The following ABHD17C variants were observed in gnomAD, a reference collection of about 807,000 sequenced individuals.
ABHD17C encodes alpha/beta hydrolase domain-containing protein 17C.
Under a neutral mutation model 27.9 loss-of-function variants are expected in ABHD17C, and 11 were observed. That is an observed-to-expected ratio of 0.39 (90% confidence interval 0.25 to 0.65). ABHD17C has a LOEUF of 0.65. Ranked by LOEUF, ABHD17C falls within the 30% of genes least tolerant of loss-of-function variation. The pLI, the probability that ABHD17C is intolerant of heterozygous loss-of-function variation, is 0.45. For synonymous variants in ABHD17C, 233 were observed against 209.1 expected (o/e 1.11, Z -0.98); for missense variants, 280 against 470.2 (o/e 0.60, Z 3.74).
chr15:80,745,701 C>T (rs1343693291), intron 1 of ABHD17C, among the ~76,000 whole-genome samples: 2 of 152,062 alleles, frequency 1.3e-5, no homozygotes, highest in Non-Finnish European at 2.9e-5. Flanking sequence ...CTGGTGGTGA[C>T]GGGTGCACCA....
At chr15:80,751,996 A>G (rs1413758015) in intron 2 of ABHD17C, among the ~76,000 whole-genome samples, 1 of 152,224 alleles carries the variant, frequency 6.6e-6, no homozygotes, top group East Asian at 1.9e-4. Flanking sequence ...ATTAAAACAA[A>G]TTTAAACAAA....
intron 1 of ABHD17C, among the ~76,000 whole-genome samples, chr15:80,711,829 A>G (rs1005895906): frequency 3.9e-5 from 6 of 152,240 alleles, no homozygotes; most frequent in African/African-American, 9.6e-5. Context: ...AAAGCTAACT[A>G]ACTAACACAC....
In ABHD17C at chr15:80,755,533, A is replaced by G. The variant is rs1895421283; in HGVS notation, c.*1163A>G. ...ACTGTAAGCCTCAGATCGTTGTACA[A>G]CTGGACTGCGGTTGATTGCCAGTTT... On this transcript the variant is annotated 3_prime_UTR_variant, in exon 3 of 3. Coordinates refer to ENST00000258884, the MANE Select transcript of ABHD17C (RefSeq NM_021214.2). 1 of 152,130 alleles carries G rather than the reference A, an allele frequency of 6.6e-6. No individual in the cohort carries two copies. Among genetic ancestry groups the G allele is most frequent in the South Asian group, 2.1e-4 (1 of 4,822 alleles). The allele number at this position is 152,130 out of a possible 1,614,324, so 9.4% of individuals were successfully genotyped here. A position where few individuals can be genotyped will look rare whatever the true frequency, so the allele number is the denominator to read the frequency against.
Position 80,695,991 on chromosome 15 carries a change from G to A in ABHD17C, c.562G>A (p.Asp188Asn), listed in dbSNP as rs374755177. Residue 188 changes from aspartate to asparagine, a missense_variant, in exon 1 of 3, where the codon GAC becomes AAC. Around this residue, in one of 2 missense-constraint regions of ABHD17C, gnomAD observed 206 missense variants for 394.7 expected, o/e 0.52. Coordinates refer to ENST00000258884, the MANE Select transcript of ABHD17C (RefSeq NM_021214.2). The surrounding 1 kb of genome is among the most constrained non-coding windows in gnomAD (Gnocchi z 4.3). ...PSEKNLYADI[D>N]AAWQALRTRY... The stretch of plus-strand genomic sequence containing the variant: ...CGAGAAGAACCTCTACGCCGACATC[G>A]ACGCCGCGTGGCAGGCGCTGCGCAC... 1.3e-6 allele frequency: 2 copies of A among 1,582,404 alleles called. No homozygotes were observed. The highest frequency in any genetic ancestry group is 1.3e-5 in the African/African-American group (1 of 74,608).
chr15:80,743,770 A>G (rs575151625), intron 1 of ABHD17C, among the ~76,000 whole-genome samples: 39 of 152,210 alleles, frequency 2.6e-4, no homozygotes, highest in African/African-American at 8.9e-4. Flanking sequence ...TATTTTTAGT[A>G]GAGATAAGGT....
intron 2 of ABHD17C, among the ~76,000 whole-genome samples, chr15:80,752,548 T>G (rs1895378952): frequency 6.6e-6 from 1 of 152,218 alleles, no homozygotes. Flanking sequence ...TCTCACTGTG[T>G]TTCATTAAAT....
At position 80,695,654 on chromosome 15, in the gene ABHD17C, G is replaced by T; in HGVS notation, c.225G>T (p.Gln75His). Residue 75 changes from glutamine (Q) to histidine (H), a missense_variant, in exon 1 of 3, where the codon CAG becomes CAT. Around this residue, in one of 2 missense-constraint regions of ABHD17C, gnomAD observed 206 missense variants for 394.7 expected, o/e 0.52. Coordinates refer to ENST00000258884, the MANE Select transcript of ABHD17C (RefSeq NM_021214.2). This position sits in a 1 kb window ranked among gnomAD's most constrained non-coding sequence, Gnocchi z 4.3. ...CCGCGGCCCAGCCGGCACCGCAGCA[G>T]CCCGAGGAGGGCGCGGGCGCGGGGC... is the stretch of plus-strand genomic sequence containing the variant. ...AAAAAQPAPQ[Q>H]PEEGAGAGPG... 1 of 1,400,620 alleles carries T rather than the reference G, an allele frequency of 7.1e-7. No individual in the cohort carries two copies. Among genetic ancestry groups the T allele is most frequent in the South Asian group, 1.6e-5 (1 of 64,422 alleles). 86.8% of individuals were successfully genotyped at this position (1,400,620 alleles called of 1,614,324 possible).
At chr15:80,750,399 T>G (rs1481767177) in intron 2 of ABHD17C, among the ~76,000 whole-genome samples, 1 of 152,174 alleles carries the variant, frequency 6.6e-6, no homozygotes, top group Non-Finnish European at 1.5e-5. Flanking sequence ...CCTTATGCTT[T>G]TCCCACAGTC....
At position 80,754,994 on chromosome 15, in the gene ABHD17C, A is replaced by AAAACAGAG. The variant is rs1895414946; in HGVS notation, c.*624_*625insAAACAGAG. 6.6e-6 allele frequency: 1 copy of AAAACAGAG among 152,152 alleles called. No homozygotes were observed. Among genetic ancestry groups the AAAACAGAG allele is most frequent in the African/African-American group, 2.4e-5 (1 of 41,428 alleles). The allele number at this position is 152,152 out of a possible 1,614,324, so 9.4% of individuals were successfully genotyped here. Reference sequence around the variant, plus strand: ...AAACTAGGGGTTTTTTTAAGTGTAAATTTATTACTAGCCAACAGAGTTTTA... The same window carrying AAAACAGAG: ...AAACTAGGGGTTTTTTTAAGTGTAAAAAACAGAGTTTATTACTAGCCAACAGAGTTTTA... On this transcript the variant is annotated 3_prime_UTR_variant, in exon 3 of 3. Coordinates refer to ENST00000258884, the MANE Select transcript of ABHD17C (RefSeq NM_021214.2).
At chr15:80,699,092 G>C (rs867039989) in intron 1 of ABHD17C, among the ~76,000 whole-genome samples, 12 of 152,182 alleles carry the variant, frequency 7.9e-5, no homozygotes, top group African/African-American at 2.9e-4. Context: ...ATCTTAATTG[G>C]ATTAGGAGAC....
rs970174385 is a variant in ABHD17C, at chr15:80,696,092, G to C, written c.590+73G>C. ...GGGGTGGGGGTCTCTTGGGGCCCCT[G>C]GGGCGGCCTGCCAGGAGAGGGGCCC... On this transcript the variant is annotated intron_variant, in intron 1 of 2. Transcript: ENST00000258884. 1.2e-5 allele frequency: 17 copies of C among 1,417,262 alleles called. No individual in the cohort carries two copies. In the African/African-American group the frequency reaches 2.3e-4, roughly 19 times the overall value. 87.8% of individuals were successfully genotyped at this position (1,417,262 alleles called of 1,614,324 possible).
At chr15:80,748,777 A>G (rs753197258) in intron 1 of ABHD17C, among the ~76,000 whole-genome samples, 1 of 149,928 alleles carries the variant, frequency 6.7e-6, no homozygotes, top group Non-Finnish European at 1.5e-5. Flanking sequence ...GGCATGGGGA[A>G]TGCACACCAT....
chr15:80,753,538 C>G (rs186211854), intron 2 of ABHD17C, among the ~76,000 whole-genome samples: 99 of 152,176 alleles, frequency 6.5e-4, no homozygotes, highest in African/African-American at 1.3e-3. Context: ...GTTTTGTTTT[C>G]TTTTCTTTTC....
chr15:80,738,066 A>G (rs948632497), intron 1 of ABHD17C, among the ~76,000 whole-genome samples: 2 of 152,046 alleles, frequency 1.3e-5, no homozygotes, highest in Admixed American at 6.6e-5. Context: ...AATTGGAAGG[A>G]AAACAGGTCT....
chr15:80,738,339 G>A (rs909730768), intron 1 of ABHD17C, among the ~76,000 whole-genome samples: 4 of 152,152 alleles, frequency 2.6e-5, no homozygotes, highest in African/African-American at 9.7e-5. Context: ...GGCAGCCAAG[G>A]TCCCTGTGGG....
chr15:80,749,487 T>C (rs777475960), intron 1 of ABHD17C, 26 bp from the exon 2 acceptor site: 1 of 1,607,856 alleles, frequency 6.2e-7, no homozygotes, highest in East Asian at 2.2e-5. Context: ...CCTTAGCTAA[T>C]GGCATACAAC....
At chr15:80,730,467 A>G (rs1418018764) in intron 1 of ABHD17C, among the ~76,000 whole-genome samples, 1 of 152,226 alleles carries the variant, frequency 6.6e-6, no homozygotes, top group Non-Finnish European at 1.5e-5. Flanking sequence ...CAATGACAAA[A>G]CAGTTTTATT....
At chr15:80,713,354 C>CTTTTTTTTTGTTTTTTTTTTTTTTT (rs1894753557) in intron 1 of ABHD17C, among the ~76,000 whole-genome samples, 1 of 43,854 alleles carries the variant, frequency 2.3e-5, no homozygotes, top group African/African-American at 9.9e-5. Context: ...AGGTCTTGTT[C>CTTTTTTTTTGTTTTTTTTTTTTTTT]TTTTTTTTTT....
At chr15:80,714,361 A>C (rs1894774931) in intron 1 of ABHD17C, among the ~76,000 whole-genome samples, 1 of 152,186 alleles carries the variant, frequency 6.6e-6, no homozygotes, top group Non-Finnish European at 1.5e-5. Context: ...ACATTACATA[A>C]TTTTAATCGC....
Sources: allele counts gnomAD v4.1 joint callset (sites outside exome capture counted in the v4.1 genomes callset), GRCh38; gene constraint gnomAD v4.1.1; regional missense constraint gnomAD v4.1.1; non-coding constraint Gnocchi (gnomAD v3.1); transcripts MANE v1.5; gene names NCBI Gene and HGNC (gene_info 2026-07-23, HGNC 2026-07-21).